The following HS6ST2 variants were observed in gnomAD, a reference collection of about 807,000 sequenced individuals.
HS6ST2 encodes the protein heparan sulfate 6-O-sulfotransferase 2.
A neutral mutation model predicts 33.0 loss-of-function variants in HS6ST2; 17 were observed. That is an observed-to-expected ratio of 0.52 (90% confidence interval 0.35 to 0.77). HS6ST2 has a LOEUF of 0.77. HS6ST2 is among the 30% of genes least tolerant of loss of function. The probability of loss-of-function intolerance (pLI) is 0.01; values close to 1 mark genes in which losing one functional copy is unlikely to be tolerated. For synonymous variants in HS6ST2, 248 were observed against 237.1 expected (o/e 1.05, Z -0.42); for missense variants, 519 against 551.7 (o/e 0.94, Z 0.59).
chrX:132,745,043 A>G (rs1405816749), intron 2 of HS6ST2, among the ~76,000 whole-genome samples: 9 of 111,679 alleles, frequency 8.1e-5, no homozygotes, highest in African/African-American at 2.9e-4. Flanking sequence ...TGGGGTAAGA[A>G]TGATCCCATC....
At chrX:132,899,447 G>A (rs1223237952) in intron 2 of HS6ST2, among the ~76,000 whole-genome samples, 1 of 111,441 alleles carries the variant, frequency 9.0e-6, no homozygotes, top group African/African-American at 3.3e-5. Flanking sequence ...GAGGGTACAG[G>A]AAAGACTCAA....
intron 2 of HS6ST2, among the ~76,000 whole-genome samples, chrX:132,887,658 A>G (rs2066266023): frequency 8.9e-6 from 1 of 112,333 alleles, no homozygotes; most frequent in African/African-American, 3.2e-5. Context: ...GTACAGATCT[A>G]AGAGGAATGA....
At chrX:132,754,323 A>C (rs2064736450) in intron 2 of HS6ST2, among the ~76,000 whole-genome samples, 1 of 110,997 alleles carries the variant, frequency 9.0e-6, no homozygotes, top group South Asian at 3.9e-4. Flanking sequence ...AGCATGATTT[A>C]TGATTGGTGA....
chrX:132,950,900 A>G (rs953913473), intron 2 of HS6ST2, among the ~76,000 whole-genome samples: 32 of 111,419 alleles, frequency 2.9e-4, no homozygotes, highest in African/African-American at 1.0e-3. Flanking sequence ...AGAGTCCCAT[A>G]TGTGAATTGC....
chrX:132,846,559 C>G (rs2065751984), intron 2 of HS6ST2, among the ~76,000 whole-genome samples: 2 of 111,945 alleles, frequency 1.8e-5, no homozygotes, highest in African/African-American at 6.5e-5. Flanking sequence ...CCATTAGAGA[C>G]AGCAGGACCT....
At chrX:132,858,941 G>A (rs1050274789) in intron 2 of HS6ST2, among the ~76,000 whole-genome samples, 1 of 112,264 alleles carries the variant, frequency 8.9e-6, no homozygotes. Context: ...AGCAAAGCAC[G>A]GGCTGCATTT....
chrX:132,680,203 T>C (rs971317133), intron 3 of HS6ST2, among the ~76,000 whole-genome samples: 6 of 110,624 alleles, frequency 5.4e-5, no homozygotes, highest in Non-Finnish European at 1.1e-4. Flanking sequence ...TAAGAAATTA[T>C]AAAAGTATTA....
chrX:132,687,030 A>G (rs2064022901), intron 3 of HS6ST2, among the ~76,000 whole-genome samples: 1 of 112,212 alleles, frequency 8.9e-6, no homozygotes. Context: ...GAATGTTTAG[A>G]AGAAATAAAG....
intron 4 of HS6ST2, among the ~76,000 whole-genome samples, chrX:132,630,938 C>G (rs1338747874): frequency 9.0e-6 from 1 of 111,383 alleles, no homozygotes; most frequent in Non-Finnish European, 1.9e-5. Flanking sequence ...GAGTGAGACC[C>G]TACCCCTCCA....
At chrX:132,678,056 C>A (rs2063937818) in intron 3 of HS6ST2, among the ~76,000 whole-genome samples, 1 of 111,697 alleles carries the variant, frequency 9.0e-6, no homozygotes, top group Non-Finnish European at 1.9e-5. Flanking sequence ...TGCATCTATA[C>A]CTAAAAGTGC....
chrX:132,918,164 G>A (rs915431410), intron 2 of HS6ST2, among the ~76,000 whole-genome samples: 9 of 112,399 alleles, frequency 8.0e-5, no homozygotes, highest in Non-Finnish European at 1.5e-4. Context: ...CTTACAATAC[G>A]GAGCCCCCAA....
chrX:132,811,685 A>ATATATAT (rs2065345840), intron 2 of HS6ST2, among the ~76,000 whole-genome samples: 7 of 29,808 alleles, frequency 2.3e-4, no homozygotes, highest in East Asian at 3.0e-3. Flanking sequence ...AAGGCTGAAT[A>ATATATAT]ATATATATAT....
chrX:132,869,525 C>T (rs2066034510), intron 2 of HS6ST2, among the ~76,000 whole-genome samples: 1 of 111,993 alleles, frequency 8.9e-6, no homozygotes, highest in African/African-American at 3.2e-5. Flanking sequence ...CAATGAAATA[C>T]TGGCAAACCG....
chrX:132,824,508 A>C (rs2065497169), intron 2 of HS6ST2, among the ~76,000 whole-genome samples: 1 of 112,507 alleles, frequency 8.9e-6, no homozygotes, highest in Non-Finnish European at 1.9e-5. Context: ...AGGAATTCAA[A>C]GTGTTGGGAC....
At chrX:132,863,601 G>A (rs2065935528) in intron 2 of HS6ST2, among the ~76,000 whole-genome samples, 1 of 109,680 alleles carries the variant, frequency 9.1e-6, no homozygotes, top group Non-Finnish European at 1.9e-5. Flanking sequence ...TCGGATTATA[G>A]GCATGAGCCA....
intron 2 of HS6ST2, among the ~76,000 whole-genome samples, chrX:132,894,855 A>G (rs372454720): frequency 8.9e-6 from 1 of 112,192 alleles, no homozygotes; most frequent in East Asian, 2.8e-4. Flanking sequence ...AATATAAAAG[A>G]TCATTAGGAA....
At chrX:132,762,342 C>G (rs1320053433) in intron 2 of HS6ST2, among the ~76,000 whole-genome samples, 1 of 112,043 alleles carries the variant, frequency 8.9e-6, no homozygotes, top group Non-Finnish European at 1.9e-5. Context: ...TGTGAGATGA[C>G]TTCCACCCCA....
intron 2 of HS6ST2, among the ~76,000 whole-genome samples, chrX:132,872,767 T>C (rs964856307): frequency 2.7e-5 from 3 of 111,619 alleles, no homozygotes; most frequent in Admixed American, 1.9e-4. Flanking sequence ...AAAAAATAAA[T>C]CAATGTGAGA....
chrX:132,825,465 G>A (rs1027050758), intron 2 of HS6ST2, among the ~76,000 whole-genome samples: 1 of 111,286 alleles, frequency 9.0e-6, no homozygotes, highest in Non-Finnish European at 1.9e-5. Context: ...GCTGGGGGGC[G>A]TCCCATTAAT....
Sources: allele counts gnomAD v4.1 joint callset (sites outside exome capture counted in the v4.1 genomes callset), GRCh38; gene constraint gnomAD v4.1.1; transcripts MANE v1.5; gene names NCBI Gene and HGNC (gene_info 2026-07-23, HGNC 2026-07-21).